The following LAMA4 variants were observed in gnomAD, a reference collection of about 807,000 sequenced individuals.
LAMA4 encodes the protein laminin subunit alpha-4.
A neutral mutation model predicts 207.1 loss-of-function variants in LAMA4; 127 were observed. The ratio of observed to expected loss-of-function variants is 0.61; its 90% CI spans 0.53 to 0.71. The LOEUF (loss-of-function observed/expected upper bound fraction) is 0.71, where lower values mean the gene tolerates loss of function less well. LAMA4 is among the 30% of genes least tolerant of loss of function. The pLI, the probability that LAMA4 is intolerant of heterozygous loss-of-function variation, is 0.00. For missense variants in LAMA4, 2,093 were observed against 2,246.5 expected (o/e 0.93, Z 1.38); for synonymous variants, 761 against 816.0 (o/e 0.93, Z 1.15).
Position 112,129,957 on chromosome 6 carries a change from T to C in LAMA4, c.4052A>G (p.Lys1351Arg), listed in dbSNP as rs876657843. 22 of 1,613,012 alleles carry C rather than the reference T, an allele frequency of 1.4e-5. No homozygotes were observed. The highest frequency in any genetic ancestry group is 1.8e-5 in the Non-Finnish European group (21 of 1,179,388). The change falls in exon 30 of 39, where the codon AAG (lysine) becomes AGG (arginine). Residue 1351 changes from lysine (K) to arginine (R), a missense_variant. Lys to Arg is a conservative substitution (Grantham distance 26). Coordinates refer to ENST00000230538, the MANE Select transcript of LAMA4 (RefSeq NM_001105206.3). Reference protein sequence around the residue: ...GKIEQTQASEKKFYFGGSPIS... With the variant: ...GKIEQTQASERKFYFGGSPIS... ...TGGTGAGCCACCGAAGTAAAACTTCTTTTCACTTGCTTGTGTCTGTTCTAT... is the reference window on the plus strand; with the variant it reads ...TGGTGAGCCACCGAAGTAAAACTTCCTTTCACTTGCTTGTGTCTGTTCTAT...
At chr6:112,162,559 G>C (rs1456396464) in intron 13 of LAMA4, among the ~76,000 whole-genome samples, 1 of 152,132 alleles carries the variant, frequency 6.6e-6, no homozygotes, top group Non-Finnish European at 1.5e-5. Flanking sequence ...AAAGGAGAAA[G>C]CAGTAGTGAC....
Position 112,252,098 on chromosome 6 carries a change from T to C in LAMA4, c.195+1858A>G, listed in dbSNP as rs143490155. Among the ~76,000 whole-genome samples the C allele has an allele frequency of 2.4e-3, 370 of 152,358 alleles. 1 individual carries two copies. The highest frequency in any genetic ancestry group is 8.6e-3 in the African/African-American group (357 of 41,582). On this transcript the variant is annotated intron_variant, in intron 2 of 38. Coordinates refer to ENST00000230538, the MANE Select transcript of LAMA4 (RefSeq NM_001105206.3). ...CAATTGTAACAACTCTTGGCATATA[T>C]AGGGCATTTATACTATGTCAAGCAC... is the stretch of plus-strand genomic sequence containing the variant.
intron 2 of LAMA4, among the ~76,000 whole-genome samples, chr6:112,247,675 T>G (rs1196147701): frequency 6.6e-6 from 1 of 152,204 alleles, no homozygotes; most frequent in Non-Finnish European, 1.5e-5. Flanking sequence ...ACCTGGCCCC[T>G]ATAAGACTCC....
chr6:112,116,384 G>A (rs1554323855), intron 35 of LAMA4, among the ~76,000 whole-genome samples: 2 of 152,198 alleles, frequency 1.3e-5, no homozygotes, highest in Admixed American at 6.5e-5. Flanking sequence ...CACTGTGAAG[G>A]CCACTGTGGC....
intron 2 of LAMA4, among the ~76,000 whole-genome samples, chr6:112,220,204 C>T (rs1554360127): frequency 6.6e-6 from 1 of 152,084 alleles, no homozygotes; most frequent in African/African-American, 2.4e-5. Context: ...GACCAATTAC[C>T]TTCCACTAAG....
chr6:112,115,899 A>C lies in LAMA4; in HGVS notation c.5076T>G (p.Asn1692Lys). The C allele has an allele frequency of 6.2e-7, 1 of 1,613,582 alleles. No homozygotes were observed. The highest frequency in any genetic ancestry group is 8.5e-7 in the Non-Finnish European group (1 of 1,179,610). ...SGTLVHGHSV[N>K]GEYLNVHMKN... is the part of the protein sequence containing the mutation. ...TCATGTGAACATTTAGGTACTCCCC[A>C]TTGACACTGTGGCCGTGGACCAGGG... The change falls in exon 36 of 39, where the codon AAT becomes AAG. Residue 1692 changes from asparagine (N) to lysine (K), a missense_variant. This residue lies in a region of LAMA4 where 383 missense variants were observed against 437.8 expected (regional missense o/e 0.87). Transcript: ENST00000230538.
chr6:112,162,965 CTTTTTTTTTT>C (rs34824903), intron 13 of LAMA4, among the ~76,000 whole-genome samples: 2 of 91,248 alleles, frequency 2.2e-5, no homozygotes, highest in Admixed American at 1.3e-4. Context: ...CAGCTCAAAT[CTTTTTTTTTT>C]TTTTTTTTTT....
chr6:112,182,414 C>T lies in LAMA4; in HGVS notation c.1077+2823G>A, dbSNP rs571760529. 1.4e-3 allele frequency among the ~76,000 whole-genome samples: 220 copies of T among 152,238 alleles called. 1 individual carries two copies. The highest frequency in any genetic ancestry group is 1.7e-3 in the Non-Finnish European group (113 of 68,024). Reference sequence around the variant, plus strand: ...CAGCATATGGTAAATTTGTATTTTGCGTTTTGGAACTTTGTGGAATTTTTC... The same window carrying T: ...CAGCATATGGTAAATTTGTATTTTGTGTTTTGGAACTTTGTGGAATTTTTC... On this transcript the variant is annotated intron_variant, in intron 9 of 38. Coordinates refer to ENST00000230538, the MANE Select transcript of LAMA4 (RefSeq NM_001105206.3).
At chr6:112,225,723 A>G (rs1414313317) in intron 2 of LAMA4, among the ~76,000 whole-genome samples, 2 of 152,226 alleles carry the variant, frequency 1.3e-5, no homozygotes, top group Non-Finnish European at 2.9e-5. Flanking sequence ...AACAATGTTT[A>G]CTAAAGGTTA....
intron 2 of LAMA4, among the ~76,000 whole-genome samples, chr6:112,233,685 C>T (rs1175502946): frequency 2.0e-5 from 3 of 152,258 alleles, no homozygotes; most frequent in African/African-American, 7.2e-5. Flanking sequence ...AAAGCTGAGG[C>T]TGAAAGAAAG....
At chr6:112,221,205 A>C (rs1240359715) in intron 2 of LAMA4, among the ~76,000 whole-genome samples, 4 of 152,190 alleles carry the variant, frequency 2.6e-5, no homozygotes, top group African/African-American at 9.6e-5. Context: ...CTCCAGCTCC[A>C]GCGAATGATG....
At chr6:112,190,929 TTC>T (rs1554348600) in intron 6 of LAMA4, among the ~76,000 whole-genome samples, 1 of 101,768 alleles carries the variant, frequency 9.8e-6, no homozygotes. Flanking sequence ...CTTTCTTTCT[TTC>T]TTTCTTTCTT....
Position 112,139,220 on chromosome 6 carries a change from C to G in LAMA4, c.3182G>C (p.Arg1061Thr). ...AAATTTCCCTCTCCTTGTGATGTCTCTCACCACGGCATAACCGGAGCCATC... is the reference window on the plus strand; with the variant it reads ...AAATTTCCCTCTCCTTGTGATGTCTGTCACCACGGCATAACCGGAGCCATC... ...FFDGSGYAVV[R>T]DITRRGKFGQ... Residue 1061 changes from arginine to threonine, a missense_variant, in exon 24 of 39, where the codon AGA becomes ACA. By Grantham distance (71) the Arg-to-Thr change is moderately conservative. Coordinates refer to ENST00000230538, the MANE Select transcript of LAMA4 (RefSeq NM_001105206.3). The G allele has an allele frequency of 6.2e-7, 1 of 1,614,182 alleles. No individual in the cohort carries two copies. The highest frequency in any genetic ancestry group is 8.5e-7 in the Non-Finnish European group (1 of 1,180,012).
chr6:112,168,212 A>C (rs1269615635), intron 12 of LAMA4, among the ~76,000 whole-genome samples: 10 of 151,950 alleles, frequency 6.6e-5, no homozygotes, highest in African/African-American at 2.4e-4. Context: ...AAAAAAAAAA[A>C]AGGAGTGACT....
intron 22 of LAMA4, among the ~76,000 whole-genome samples, chr6:112,140,296 A>T (rs1270548569): frequency 2.6e-5 from 4 of 152,200 alleles, no homozygotes; most frequent in African/African-American, 7.2e-5. Flanking sequence ...ATCTTCTTCG[A>T]CCTTTCCTTT....
rs142048329 is a variant in LAMA4 at position 112,109,472 on chromosome 6, C to T, written c.5437G>A (p.Gly1813Ser). Residue 1813 changes from glycine to serine, a missense_variant, in exon 39 of 39, where the codon GGC becomes AGC. Around this residue, in one of 3 missense-constraint regions of LAMA4, gnomAD observed 383 missense variants for 437.8 expected, o/e 0.87. Transcript: ENST00000230538. ...GGACAGGAGTTGATGCTTACGGCGCCGCTGACCAGGGCTGCTTTACTGAAG... is the reference window on the plus strand; with the variant it reads ...GGACAGGAGTTGATGCTTACGGCGCTGCTGACCAGGGCTGCTTTACTGAAG... ...VSFSKAALVS[G>S]AVSINSCPAA 4.8e-5 allele frequency: 77 copies of T among 1,613,938 alleles called. No homozygotes were observed. Among genetic ancestry groups the T allele is most frequent in the Admixed American group, 8.3e-5 (5 of 59,956 alleles).
chr6:112,129,066 T>C lies in LAMA4; in HGVS notation c.4143A>G (p.Arg1381=). The change falls in exon 31 of 39, where the codon AGA becomes AGG. Residue 1381 remains arginine (R), a synonymous_variant. Coordinates refer to ENST00000230538, the MANE Select transcript of LAMA4 (RefSeq NM_001105206.3). ...ISNAYFTRVD[R]DVEVEDFQRY... ...GTTGGAAATCTTCAACCTCCACATC[T>C]CTATCCACCCTGTGTTTGTAACAGA... The C allele has an allele frequency of 6.2e-7, 1 of 1,611,384 alleles. No individual in the cohort carries two copies. Among genetic ancestry groups the C allele is most frequent in the Non-Finnish European group, 8.5e-7 (1 of 1,177,668 alleles).
At chr6:112,139,971 G>T in intron 22 of LAMA4, 86 bp from the exon 23 acceptor site, 2 of 1,351,908 alleles carry the variant, frequency 1.5e-6, no homozygotes, top group Non-Finnish European at 2.1e-6. Context: ...CTAATAGTAG[G>T]TCAAGGAGAC....
chr6:112,182,737 G>A (rs782253339), intron 9 of LAMA4, among the ~76,000 whole-genome samples: 10 of 152,146 alleles, frequency 6.6e-5, no homozygotes, highest in Non-Finnish European at 1.5e-4. Context: ...GATGGTGAGG[G>A]GCAGCACTGA....
Sources: allele counts gnomAD v4.1 joint callset (sites outside exome capture counted in the v4.1 genomes callset), GRCh38; gene constraint gnomAD v4.1.1; regional missense constraint gnomAD v4.1.1; transcripts MANE v1.5; gene names NCBI Gene and HGNC (gene_info 2026-07-23, HGNC 2026-07-21).